The following TBC1D5 variants were observed in gnomAD, a reference collection of about 807,000 sequenced individuals.
TBC1D5 encodes the protein TBC1 domain family, member 5.
In TBC1D5, 75 loss-of-function variants were observed where a neutral mutation model predicts 100.3. That is an observed-to-expected ratio of 0.75 (90% CI 0.62 to 0.91). The LOEUF (loss-of-function observed/expected upper bound fraction) is 0.91, where lower values mean the gene tolerates loss of function less well. Among genes scored for constraint, TBC1D5 ranks in the 40% least tolerant of loss-of-function variants. The pLI, the probability that TBC1D5 is intolerant of heterozygous loss-of-function variation, is 0.00. For synonymous variants in TBC1D5, 323 were observed against 325.6 expected (o/e 0.99, Z 0.09); for missense variants, 910 against 942.4 (o/e 0.97, Z 0.45).
chr3:17,302,282 T>C lies in TBC1D5; in HGVS notation c.1138+5710A>G, dbSNP rs549219267. Among the ~76,000 whole-genome samples the C allele has an allele frequency of 2.6e-4, 32 of 122,242 alleles. No individual in the cohort carries two copies. In the South Asian group the frequency reaches 7.4e-3, roughly 28 times the overall value. 80.2% of individuals were successfully genotyped at this position (122,242 alleles called of 152,430 possible). The stretch of plus-strand genomic sequence containing the variant: ...TCTGGCTGTCTTCACACGGCTTTCT[T>C]CTCCCTGTATATACCTTCACATTGT... On this transcript the variant is annotated intron_variant, in intron 14 of 21. Transcript: ENST00000253692.
At chr3:17,678,955 AT>A (rs1046484358) in intron 1 of TBC1D5, among the ~76,000 whole-genome samples, 14 of 151,266 alleles carry the variant, frequency 9.3e-5, no homozygotes, top group African/African-American at 3.4e-4. Context: ...GAAGCCTTTA[AT>A]ATCTAAAATA....
chr3:17,350,103 T>C (rs1269012284), intron 13 of TBC1D5, among the ~76,000 whole-genome samples: 1 of 152,214 alleles, frequency 6.6e-6, no homozygotes, highest in Non-Finnish European at 1.5e-5. Context: ...TAGACACTTA[T>C]GGAGCTGAAG....
chr3:17,705,431 G>C (rs1312449106), intron 1 of TBC1D5, among the ~76,000 whole-genome samples: 1 of 146,874 alleles, frequency 6.8e-6, no homozygotes, highest in Non-Finnish European at 1.5e-5. Flanking sequence ...GCCGGGCGGA[G>C]AGGCTCCTCA....
chr3:17,174,738 C>T lies in TBC1D5; in HGVS notation c.1853-6910G>A, dbSNP rs193190822. Among the ~76,000 whole-genome samples, 8 of 152,258 alleles carry T rather than the reference C, an allele frequency of 5.3e-5. No homozygotes were observed. The East Asian group carries it at 7.7e-4, about 15-fold the overall frequency. On this transcript the variant is annotated intron_variant, in intron 19 of 21. Coordinates refer to ENST00000253692, the Ensembl canonical transcript of TBC1D5. ...CTTCCTGAGTAGCTGGGATTATAGGCGTGTGCTACCATGCCTGGCTAATTT... is the reference window on the plus strand; with the variant it reads ...CTTCCTGAGTAGCTGGGATTATAGGTGTGTGCTACCATGCCTGGCTAATTT...
intron 1 of TBC1D5, among the ~76,000 whole-genome samples, chr3:17,647,946 C>T (rs1389644150): frequency 1.3e-5 from 2 of 152,108 alleles, no homozygotes; most frequent in African/African-American, 4.8e-5. Context: ...TTCTATCACA[C>T]TACCAACAAC....
At chr3:17,499,000 G>C (rs958444457) in intron 3 of TBC1D5, among the ~76,000 whole-genome samples, 1 of 152,074 alleles carries the variant, frequency 6.6e-6, no homozygotes, top group Non-Finnish European at 1.5e-5. Context: ...TTGGTTGGGG[G>C]GTGGCAGGGG....
At chr3:17,311,698 C>T (rs889493246) in intron 13 of TBC1D5, among the ~76,000 whole-genome samples, 1 of 151,946 alleles carries the variant, frequency 6.6e-6, no homozygotes, top group Non-Finnish European at 1.5e-5. Flanking sequence ...TCTTCATTTC[C>T]GTATTCTTTT....
At chr3:17,408,060 G>C (rs569083768) in intron 4 of TBC1D5, among the ~76,000 whole-genome samples, 26 of 151,938 alleles carry the variant, frequency 1.7e-4, no homozygotes, top group Non-Finnish European at 3.4e-4. Context: ...GGACATGAGA[G>C]GCACATGCTT....
chr3:17,590,569 C>A (rs1156228526), intron 2 of TBC1D5, among the ~76,000 whole-genome samples: 1 of 152,166 alleles, frequency 6.6e-6, no homozygotes, highest in African/African-American at 2.4e-5. Flanking sequence ...GCCTTGCAAA[C>A]AGATTTGTGA....
At chr3:17,478,106 T>G (rs1464492542) in intron 3 of TBC1D5, among the ~76,000 whole-genome samples, 1 of 152,166 alleles carries the variant, frequency 6.6e-6, no homozygotes, top group Non-Finnish European at 1.5e-5. Flanking sequence ...AATCCAGAAA[T>G]TTAGGAAAAC....
chr3:17,272,358 G>A (rs1373088558), intron 15 of TBC1D5, among the ~76,000 whole-genome samples: 1 of 152,142 alleles, frequency 6.6e-6, no homozygotes, highest in East Asian at 1.9e-4. Context: ...CAAGGTTTAA[G>A]AAAGAATTAG....
At chr3:17,330,744 G>A (rs1251944020) in intron 13 of TBC1D5, among the ~76,000 whole-genome samples, 2 of 152,072 alleles carry the variant, frequency 1.3e-5, no homozygotes, top group African/African-American at 4.8e-5. Context: ...ATGTGTAGCT[G>A]CCTGGACACT....
intron 19 of TBC1D5, among the ~76,000 whole-genome samples, chr3:17,172,066 G>A (rs2125237162): frequency 6.6e-6 from 1 of 152,280 alleles, no homozygotes; most frequent in Non-Finnish European, 1.5e-5. Flanking sequence ...AGGATCTGAT[G>A]AAAACCATGA....
rs73143800 is a variant in TBC1D5 at position 17,307,284 on chromosome 3, T to C, written c.1138+708A>G. On this transcript the variant is annotated intron_variant, in intron 14 of 21. Coordinates refer to ENST00000253692, the Ensembl canonical transcript of TBC1D5. ...AATTTTGTGCACTTTTTCCTAATTA[T>C]ATTTTGGCTAACAAGTTCTATTGTG... is the stretch of plus-strand genomic sequence containing the variant. Among the ~76,000 whole-genome samples, 814 of 152,350 alleles carry C rather than the reference T, an allele frequency of 5.3e-3. 11 individuals are homozygous for C. Among genetic ancestry groups the C allele is most frequent in the African/African-American group, 0.019 (782 of 41,584 alleles).
chr3:17,578,962 A>C (rs2096674665), intron 2 of TBC1D5, among the ~76,000 whole-genome samples: 1 of 152,056 alleles, frequency 6.6e-6, no homozygotes, highest in Non-Finnish European at 1.5e-5. Flanking sequence ...AATATATTCC[A>C]AATAATTTGG....
At chr3:17,651,871 A>G (rs1299288937) in intron 1 of TBC1D5, among the ~76,000 whole-genome samples, 1 of 152,130 alleles carries the variant, frequency 6.6e-6, no homozygotes, top group Non-Finnish European at 1.5e-5. Context: ...AAACTCTCAC[A>G]AAAACCAGAG....
chr3:17,583,019 T>G (rs1260202245), intron 2 of TBC1D5, among the ~76,000 whole-genome samples: 2 of 152,148 alleles, frequency 1.3e-5, no homozygotes, highest in Non-Finnish European at 2.9e-5. Context: ...GAATGGTGGC[T>G]TATGCCTATA....
intron 2 of TBC1D5, among the ~76,000 whole-genome samples, chr3:17,552,551 A>G (rs557290925): frequency 1.3e-5 from 2 of 152,154 alleles, no homozygotes; most frequent in African/African-American, 4.8e-5. Context: ...GCCTGGCACT[A>G]TTCTAGGCCC....
chr3:17,532,992 T>TTA (rs1553821338), intron 2 of TBC1D5, among the ~76,000 whole-genome samples: 4 of 140,838 alleles, frequency 2.8e-5, no homozygotes, highest in African/African-American at 1.0e-4. Context: ...ATAATAAAAT[T>TTA]AAAAAAAAAA....
Sources: allele counts gnomAD v4.1 joint callset (sites outside exome capture counted in the v4.1 genomes callset), GRCh38; gene constraint gnomAD v4.1.1; transcripts MANE v1.5; gene names NCBI Gene and HGNC (gene_info 2026-07-23, HGNC 2026-07-21).